Variants in WWC1 observed in about 807,000 individuals in gnomAD.
WWC1 encodes the protein WW and C2 domain containing 1.
Under a neutral mutation model 138.4 loss-of-function variants are expected in WWC1, and 55 were observed. The ratio of observed to expected loss-of-function variants is 0.40; its 90% CI spans 0.32 to 0.50. The LOEUF is 0.50. Among genes scored for constraint, WWC1 ranks in the 20% least tolerant of loss-of-function variants. The pLI is 0.72. For missense variants in WWC1, 1,226 were observed against 1,420.4 expected, an observed-to-expected ratio of 0.86 and a Z score of 2.20; for synonymous variants, 524 against 564.9, an observed-to-expected ratio of 0.93 and a Z score of 1.03.
At chr5:168,388,953 C>A (rs1321551447) in intron 3 of WWC1, among the ~76,000 whole-genome samples, 2 of 151,994 alleles carry the variant, frequency 1.3e-5, no homozygotes, top group African/African-American at 4.8e-5. Context: ...TTGTGAACCA[C>A]CCTAATGAGA....
At chr5:168,342,754 A>G (rs1169794220) in intron 1 of WWC1, among the ~76,000 whole-genome samples, 8 of 152,146 alleles carry the variant, frequency 5.3e-5, no homozygotes, top group African/African-American at 1.9e-4. Context: ...CAGCTAAGGA[A>G]ACCCATGAAT....
At chr5:168,293,923 G>A (rs1769293309) in intron 1 of WWC1, among the ~76,000 whole-genome samples, 1 of 152,136 alleles carries the variant, frequency 6.6e-6, no homozygotes, top group Admixed American at 6.6e-5. Flanking sequence ...CCTTACTCGG[G>A]TCAGTTGCCA....
intron 1 of WWC1, among the ~76,000 whole-genome samples, chr5:168,339,956 CCTCT>C (rs71893673): frequency 1.3e-4 from 17 of 127,186 alleles, no homozygotes; most frequent in African/African-American, 2.6e-4. Context: ...TCCCCCTCTC[CCTCT>C]CTCTCTCTGT....
intron 5 of WWC1, among the ~76,000 whole-genome samples, chr5:168,405,068 G>T (rs773045506): frequency 6.6e-6 from 1 of 152,126 alleles, no homozygotes; most frequent in African/African-American, 2.4e-5. Context: ...AACTTCATGA[G>T]TATGGGCTAG....
At position 168,431,310 on chromosome 5, in the gene WWC1, C is replaced by T. The variant is rs372705958; in HGVS notation, c.2146C>T (p.Arg716Trp). The T allele has an allele frequency of 1.2e-5, 19 of 1,614,170 alleles. No individual in the cohort carries two copies. The highest frequency in any genetic ancestry group is 8.8e-5 in the South Asian group (8 of 91,082). Reference protein sequence around the residue: ...SESTTCLFRTRPLDASDTLVF... With the variant: ...SESTTCLFRTWPLDASDTLVF... ...AAGCACAACCTGCCTGTTCCGGACC[C>T]GGCCTCTGGACGCCTCAGACACTCT... Residue 716 changes from arginine (R) to tryptophan (W), a missense_variant, in exon 15 of 23, where the codon CGG becomes TGG. Arg to Trp is a moderately radical substitution (Grantham distance 101). Coordinates refer to ENST00000265293, the MANE Select transcript of WWC1 (RefSeq NM_015238.3).
At chr5:168,322,266 T>C (rs1438091635) in intron 1 of WWC1, among the ~76,000 whole-genome samples, 10 of 148,714 alleles carry the variant, frequency 6.7e-5, no homozygotes, top group Admixed American at 2.0e-4. Flanking sequence ...TGAAGGGAGA[T>C]TGGAAAATAC....
rs112514380 is a variant in WWC1, at chr5:168,410,025, G to C, written c.941+30G>C. 3.0e-3 allele frequency: 4,823 copies of C among 1,609,014 alleles called. 117 individuals carry two copies. In the African/African-American group the frequency reaches 0.056, roughly 19 times the overall value. ...TTGGGCTGGGGCTAGGGGCGGGATG[G>C]TTCCAAAAATAATAACTACTATTGT... On this transcript the variant is annotated intron_variant, in intron 8 of 22. Transcript: ENST00000265293.
intron 17 of WWC1, among the ~76,000 whole-genome samples, chr5:168,451,698 A>C (rs1755829409): frequency 6.6e-6 from 1 of 152,182 alleles, no homozygotes; most frequent in Non-Finnish European, 1.5e-5. Flanking sequence ...GCGACAGAGC[A>C]AGATGCTGTC....
In WWC1 at chr5:168,465,548, C is replaced by CTGTTTTTTT. The variant is rs1757200689; in HGVS notation, c.3150+587_3150+588insGTTTTTTTT. ...CACACAAAGTTTTATATCAGCTGGG[C>CTGTTTTTTT]TTTTTTTTTTTTTTTTTTTTTTTTT... On this transcript the variant is annotated intron_variant, in intron 21 of 22. Coordinates refer to ENST00000265293, the MANE Select transcript of WWC1 (RefSeq NM_015238.3). Among the ~76,000 whole-genome samples, 2 of 46,932 alleles carry CTGTTTTTTT rather than the reference C, an allele frequency of 4.3e-5. 1 individual carries two copies. Among genetic ancestry groups the CTGTTTTTTT allele is most frequent in the African/African-American group, 1.7e-4 (2 of 11,916 alleles). 30.8% of individuals were successfully genotyped at this position (46,932 alleles called of 152,430 possible).
At chr5:168,388,313 G>T (rs938013738) in intron 3 of WWC1, among the ~76,000 whole-genome samples, 2 of 151,696 alleles carry the variant, frequency 1.3e-5, no homozygotes, top group African/African-American at 4.8e-5. Flanking sequence ...GCCTAAAGAG[G>T]CACACCACCA....
At position 168,428,746 on chromosome 5, in the gene WWC1, A is replaced by T. The variant is rs1292639420; in HGVS notation, c.1959A>T (p.Glu653Asp). The T allele has an allele frequency of 6.2e-7, 1 of 1,613,970 alleles. No homozygotes were observed. Among genetic ancestry groups the T allele is most frequent in the Non-Finnish European group, 8.5e-7 (1 of 1,179,926 alleles). Residue 653 changes from glutamate (E) to aspartate (D), a missense_variant, in exon 13 of 23, where the codon GAA (glutamate) becomes GAT (aspartate). Glu to Asp is a conservative substitution (Grantham distance 45, BLOSUM62 2). Around this residue, in one of 3 missense-constraint regions of WWC1, gnomAD observed 1,016 missense variants for 1,153.9 expected, o/e 0.88. Coordinates refer to ENST00000265293, the MANE Select transcript of WWC1 (RefSeq NM_015238.3). ...AAGCTGCTGCATTTGACAGTGACGA[A>T]TCGGAAGCAGTGGGTGCGACCCGAA... ...ASEAAAFDSDESEAVGATRIQ... is the reference protein window; with the variant it reads ...ASEAAAFDSDDSEAVGATRIQ...
chr5:168,448,190 C>T (rs980470497), intron 17 of WWC1, among the ~76,000 whole-genome samples: 1 of 152,162 alleles, frequency 6.6e-6, no homozygotes, highest in Non-Finnish European at 1.5e-5. Context: ...CCCCCTCCCC[C>T]AAGACTGGAA....
intron 1 of WWC1, among the ~76,000 whole-genome samples, chr5:168,309,039 C>G (rs1342608544): frequency 2.0e-5 from 3 of 152,154 alleles, no homozygotes; most frequent in Admixed American, 6.6e-5. Context: ...CTTCTCCCAC[C>G]CCAGCCTCAG....
intron 1 of WWC1, among the ~76,000 whole-genome samples, chr5:168,358,788 A>G (rs567362828): frequency 1.3e-5 from 2 of 151,916 alleles, no homozygotes; most frequent in Non-Finnish European, 2.9e-5. Context: ...ACACGCATAT[A>G]TATATATATA....
rs1779787482 is a variant in WWC1, at chr5:168,406,315, A to G, written c.708A>G (p.Gln236=). 6.2e-7 allele frequency: 1 copy of G among 1,613,894 alleles called. No homozygotes were observed. ...TTACCTGTGGGGAAAAGGAAAAGCA[A>G]GATCTCATTAAGGTATGCAAGTTCC... ...KAITCGEKEK[Q]DLIKSLAMLK... The change falls in exon 6 of 23, where the codon CAA becomes CAG. Residue 236 remains glutamine, a synonymous_variant. Transcript: ENST00000265293.
intron 15 of WWC1, among the ~76,000 whole-genome samples, chr5:168,438,560 C>T (rs962563808): frequency 2.6e-5 from 4 of 152,262 alleles, no homozygotes; most frequent in African/African-American, 9.6e-5. Context: ...TTATTAGCAG[C>T]ATGAGAACGG....
chr5:168,315,660 C>G (rs909095984), intron 1 of WWC1, among the ~76,000 whole-genome samples: 1 of 152,112 alleles, frequency 6.6e-6, no homozygotes, highest in African/African-American at 2.4e-5. Context: ...CCAGGCCCAG[C>G]AGAAAGTTTT....
At chr5:168,431,092 G>T (rs901359057) in intron 14 of WWC1, among the ~76,000 whole-genome samples, 160 bp from the exon 15 acceptor site, 1 of 152,226 alleles carries the variant, frequency 6.6e-6, no homozygotes, top group Non-Finnish European at 1.5e-5. Flanking sequence ...ATTTGTCAAA[G>T]TTCCTTCCAG....
chr5:168,432,047 CAAAA>C (rs10532675), intron 15 of WWC1, among the ~76,000 whole-genome samples: 23 of 111,348 alleles, frequency 2.1e-4, no homozygotes, highest in African/African-American at 1.9e-4. Flanking sequence ...AACCCTGTGT[CAAAA>C]AAAAAAAAAA....
Sources: allele counts gnomAD v4.1 joint callset (sites outside exome capture counted in the v4.1 genomes callset), GRCh38; gene constraint gnomAD v4.1.1; regional missense constraint gnomAD v4.1.1; transcripts MANE v1.5; gene names NCBI Gene and HGNC (gene_info 2026-07-23, HGNC 2026-07-21).